The following PLPP3 variants were observed in gnomAD, a reference collection of about 807,000 sequenced individuals.
PLPP3 encodes PAP2 beta.
PLPP3 carries 6 observed loss-of-function variants against 29.6 expected under a neutral mutation model. That is an observed-to-expected ratio of 0.20 (90% CI 0.11 to 0.40). PLPP3 has a LOEUF of 0.40. Ranked by LOEUF, PLPP3 falls within the 10% of genes least tolerant of loss-of-function variation. The probability of loss-of-function intolerance (pLI) is 1.00; values close to 1 mark genes in which losing one functional copy is unlikely to be tolerated. For synonymous variants in PLPP3, 152 were observed against 159.7 expected, an observed-to-expected ratio of 0.95 and a Z score of 0.36; for missense variants, 308 against 407.7, an observed-to-expected ratio of 0.76 and a Z score of 2.11.
intron 5 of PLPP3, among the ~76,000 whole-genome samples, chr1:56,505,393 T>A (rs1203347565): frequency 6.6e-6 from 1 of 152,242 alleles, no homozygotes; most frequent in Admixed American, 6.5e-5. Flanking sequence ...CTTCGTCAGC[T>A]CATCCATCTT....
At chr1:56,571,931 CAT>C (rs1041796599) in intron 1 of PLPP3, among the ~76,000 whole-genome samples, 25 of 151,730 alleles carry the variant, frequency 1.6e-4, no homozygotes, top group Middle Eastern at 3.5e-3. Context: ...CTCTATACCA[CAT>C]GATTGGCCTG....
intron 1 of PLPP3, among the ~76,000 whole-genome samples, chr1:56,550,428 T>C (rs1646030722): frequency 6.6e-6 from 1 of 152,146 alleles, no homozygotes; most frequent in Non-Finnish European, 1.5e-5. Context: ...GTTTCTTCAA[T>C]GGTTCTGGAA....
intron 2 of PLPP3, among the ~76,000 whole-genome samples, chr1:56,532,316 AGTG>A (rs1569885393): frequency 6.6e-6 from 1 of 152,268 alleles, no homozygotes; most frequent in East Asian, 1.9e-4. Flanking sequence ...GCACAGATGT[AGTG>A]GATTGTAAAC....
Position 56,519,123 on chromosome 1 carries a change from T to C in PLPP3, c.633+4700A>G, listed in dbSNP as rs149752177. On this transcript the variant is annotated intron_variant, in intron 4 of 5. Coordinates refer to ENST00000371250, the MANE Select transcript of PLPP3 (RefSeq NM_003713.5). Reference sequence around the variant, plus strand: ...CTGCAAAATGAGGAGCTGGGACTGATCCCAAAGGTATTTTCCACTCTCAAG... The same window carrying C: ...CTGCAAAATGAGGAGCTGGGACTGACCCCAAAGGTATTTTCCACTCTCAAG... Among the ~76,000 whole-genome samples, 17 of 152,150 alleles carry C rather than the reference T, an allele frequency of 1.1e-4. No individual in the cohort carries two copies. The East Asian group carries it at 3.1e-3, about 28-fold the overall frequency.
Position 56,548,808 on chromosome 1 carries a change from C to T in PLPP3, c.140-11696G>A, listed in dbSNP as rs371513698. Among the ~76,000 whole-genome samples the T allele has an allele frequency of 1.3e-3, 194 of 151,856 alleles. 6 individuals are homozygous for T. The South Asian group carries it at 0.04, about 31-fold the overall frequency. Reference sequence around the variant, plus strand: ...TGCAATACCTATTTACTGACTAATCCAGTAAATGAATTTGAAATACTCCTT... The same window carrying T: ...TGCAATACCTATTTACTGACTAATCTAGTAAATGAATTTGAAATACTCCTT... On this transcript the variant is annotated intron_variant, in intron 1 of 5. Coordinates refer to ENST00000371250, the MANE Select transcript of PLPP3 (RefSeq NM_003713.5).
At chr1:56,529,707 T>C (rs1227265910) in intron 2 of PLPP3, among the ~76,000 whole-genome samples, 1 of 152,192 alleles carries the variant, frequency 6.6e-6, no homozygotes, top group African/African-American at 2.4e-5. Context: ...AATAGTTGAT[T>C]GGAAATTTAT....
intron 2 of PLPP3, among the ~76,000 whole-genome samples, chr1:56,531,920 C>A (rs1171345993): frequency 6.6e-6 from 1 of 152,144 alleles, no homozygotes; most frequent in Non-Finnish European, 1.5e-5. Flanking sequence ...GACTCTCCAC[C>A]CCATCCCCAA....
chr1:56,535,946 T>C (rs1444592386), intron 2 of PLPP3, among the ~76,000 whole-genome samples: 1 of 152,176 alleles, frequency 6.6e-6, no homozygotes, highest in Non-Finnish European at 1.5e-5. Flanking sequence ...AACTGAAGGT[T>C]AAAGAAATCA....
At position 56,511,985 on chromosome 1, in the gene PLPP3, G is replaced by C. The variant is rs138303890; in HGVS notation, c.801C>G (p.Ala267=). Reference sequence around the variant, plus strand: ...ACAAGATGCTACTTACTATGCAGCAGGCCACCAGGGCTCCTTGAGCAAATC... The same window carrying C: ...ACAAGATGCTACTTACTATGCAGCACGCCACCAGGGCTCCTTGAGCAAATC... ...LAGFAQGALV[A]CCIVFFVSDL... The change falls in exon 5 of 6, where the codon GCC becomes GCG. Residue 267 remains alanine (A), a synonymous_variant. Transcript: ENST00000371250. The C allele has an allele frequency of 1.8e-4, 293 of 1,613,144 alleles. No homozygotes were observed. Among genetic ancestry groups the C allele is most frequent in the Non-Finnish European group, 2.4e-4 (289 of 1,179,740 alleles).
chr1:56,539,641 C>G (rs1306866050), intron 1 of PLPP3, among the ~76,000 whole-genome samples: 1 of 152,132 alleles, frequency 6.6e-6, no homozygotes, highest in Non-Finnish European at 1.5e-5. Context: ...GGTTTTAAAA[C>G]TTTGTCTCTG....
chr1:56,530,371 C>G (rs571198399), intron 2 of PLPP3, among the ~76,000 whole-genome samples: 1 of 152,150 alleles, frequency 6.6e-6, no homozygotes, highest in African/African-American at 2.4e-5. Flanking sequence ...CAGCCTACCC[C>G]TTTCCCCTAA....
chr1:56,551,639 G>A (rs1646040454), intron 1 of PLPP3, among the ~76,000 whole-genome samples: 1 of 152,166 alleles, frequency 6.6e-6, no homozygotes, highest in Non-Finnish European at 1.5e-5. Flanking sequence ...AGGTACTTCT[G>A]AGAGCAAACG....
chr1:56,543,352 A>C (rs931128521), intron 1 of PLPP3, among the ~76,000 whole-genome samples: 2 of 152,230 alleles, frequency 1.3e-5, no homozygotes, highest in Non-Finnish European at 2.9e-5. Context: ...AAGGTCCTCA[A>C]GTGAGTAAAT....
intron 4 of PLPP3, chr1:56,512,991 A>T (rs1204564852): frequency 6.6e-6 from 1 of 152,330 alleles, no homozygotes; most frequent in Non-Finnish European, 1.5e-5. Context: ...GGAAGTTATT[A>T]TATCCCCAAT....
chr1:56,500,067 C>T (rs533248842), intron 5 of PLPP3, among the ~76,000 whole-genome samples: 4 of 152,260 alleles, frequency 2.6e-5, no homozygotes, highest in South Asian at 2.1e-4. Context: ...AGTTACGATG[C>T]GCAGAACATT....
intron 4 of PLPP3, among the ~76,000 whole-genome samples, chr1:56,515,785 T>C (rs1250904182): frequency 6.6e-6 from 1 of 152,154 alleles, no homozygotes; most frequent in East Asian, 1.9e-4. Flanking sequence ...AAAGTGCATT[T>C]TGGGGTACAA....
chr1:56,578,277 G>A (rs1646249689), intron 1 of PLPP3, among the ~76,000 whole-genome samples: 1 of 152,174 alleles, frequency 6.6e-6, no homozygotes, highest in Admixed American at 6.5e-5. Context: ...CCTACCACCT[G>A]GCACACAGTA....
Position 56,494,839 on chromosome 1 carries a change from A to G in PLPP3, c.*1712T>C, listed in dbSNP as rs1170079049. ...TCGCAGATACAAGTTTTCACTTTGT[A>G]TGCTACAAAAGTCTTTGAATATTAT... On this transcript the variant is annotated 3_prime_UTR_variant, in exon 6 of 6. Transcript: ENST00000371250. 1.3e-5 allele frequency: 2 copies of G among 152,682 alleles called. No homozygotes were observed. The highest frequency in any genetic ancestry group is 2.9e-5 in the Non-Finnish European group (2 of 68,040). 9.5% of individuals were successfully genotyped at this position (152,682 alleles called of 1,614,324 possible).
At chr1:56,501,161 A>G (rs1243702071) in intron 5 of PLPP3, among the ~76,000 whole-genome samples, 1 of 151,990 alleles carries the variant, frequency 6.6e-6, no homozygotes, top group Non-Finnish European at 1.5e-5. Context: ...AGAAGAAGAG[A>G]TGGATTTTGA....
Sources: gnomAD v4.1 joint callset for allele counts (sites outside exome capture counted in the v4.1 genomes callset) on GRCh38, gnomAD v4.1.1 for gene constraint, MANE v1.5 for transcripts, NCBI Gene and HGNC (gene_info 2026-07-23, HGNC 2026-07-21) for gene names.